The following NTNG1 variants were observed in gnomAD, a reference collection of about 807,000 sequenced individuals.
The protein encoded by NTNG1 is netrin G1.
In NTNG1, 16 loss-of-function variants were observed where a neutral mutation model predicts 54.0. The observed-to-expected ratio is 0.30, with a 90% CI of 0.20 to 0.45. The LOEUF is 0.45. Among genes scored for constraint, NTNG1 ranks in the 20% least tolerant of loss-of-function variants. The pLI is 1.00. For synonymous variants in NTNG1, 255 were observed against 263.1 expected (o/e 0.97, Z 0.30); for missense variants, 530 against 678.7 (o/e 0.78, Z 2.43).
intron 2 of NTNG1, among the ~76,000 whole-genome samples, chr1:107,209,139 G>A (rs1284658718): frequency 2.0e-5 from 3 of 151,218 alleles, no homozygotes; most frequent in African/African-American, 7.3e-5. Context: ...TCGTTTAACT[G>A]CAAATACCCC....
intron 2 of NTNG1, among the ~76,000 whole-genome samples, chr1:107,205,243 C>T (rs1659087158): frequency 6.6e-6 from 1 of 152,166 alleles, no homozygotes. Flanking sequence ...TTTATAGCTT[C>T]AGAGACTTCT....
intron 2 of NTNG1, among the ~76,000 whole-genome samples, chr1:107,312,917 A>G (rs1667112583): frequency 6.6e-6 from 1 of 152,130 alleles, no homozygotes; most frequent in Non-Finnish European, 1.5e-5. Context: ...ATTTGACTGT[A>G]AGTTGTCAAC....
At chr1:107,369,150 C>G (rs1435571626) in intron 3 of NTNG1, among the ~76,000 whole-genome samples, 22 of 151,954 alleles carry the variant, frequency 1.4e-4, no homozygotes, top group Admixed American at 1.4e-3. Context: ...ATCTATTCAC[C>G]TATTGATGGA....
At chr1:107,401,525 T>G (rs1260674221) in intron 4 of NTNG1, among the ~76,000 whole-genome samples, 1 of 152,128 alleles carries the variant, frequency 6.6e-6, no homozygotes, top group African/African-American at 2.4e-5. Context: ...ATCAAACATT[T>G]TAATGTTTCT....
Position 107,481,858 on chromosome 1 carries a change from T to C in NTNG1, c.*1018T>C, listed in dbSNP as rs916984939. ...AATAAAAACTCCTGCATAAACGATT[T>C]CAGGAATTTGTATTGCAATTTCTTA... On this transcript the variant is annotated 3_prime_UTR_variant, in exon 8 of 8. Coordinates refer to ENST00000370068, the MANE Select transcript of NTNG1 (RefSeq NM_001113226.3). 2 of 152,530 alleles carry C rather than the reference T, an allele frequency of 1.3e-5. No homozygotes were observed. Among genetic ancestry groups the C allele is most frequent in the Non-Finnish European group, 2.9e-5 (2 of 68,016 alleles). The allele number at this position is 152,530 out of a possible 1,614,324, so 9.4% of individuals were successfully genotyped here.
intron 3 of NTNG1, among the ~76,000 whole-genome samples, chr1:107,340,060 G>A (rs1339512401): frequency 1.3e-5 from 2 of 152,012 alleles, no homozygotes; most frequent in Non-Finnish European, 1.5e-5. Context: ...TCTGGATGAC[G>A]TTCTGATAGT....
At chr1:107,445,553 T>C (rs781645016) in intron 7 of NTNG1, among the ~76,000 whole-genome samples, 1 of 152,192 alleles carries the variant, frequency 6.6e-6, no homozygotes, top group Non-Finnish European at 1.5e-5. Context: ...TTAAAGAGGA[T>C]AATTCCACCA....
chr1:107,419,465 A>C (rs1189931891), intron 5 of NTNG1, among the ~76,000 whole-genome samples: 1 of 152,058 alleles, frequency 6.6e-6, no homozygotes, highest in African/African-American at 2.4e-5. Flanking sequence ...GTGATTACGC[A>C]GGAAGAAAGA....
chr1:107,197,982 T>C (rs1475794860), intron 2 of NTNG1, among the ~76,000 whole-genome samples: 1 of 152,042 alleles, frequency 6.6e-6, no homozygotes, highest in Non-Finnish European at 1.5e-5. Context: ...GCACATTTTT[T>C]TCCTATTCTT....
intron 7 of NTNG1, among the ~76,000 whole-genome samples, chr1:107,461,193 A>G (rs1192264895): frequency 1.3e-5 from 2 of 152,220 alleles, no homozygotes; most frequent in African/African-American, 4.8e-5. Context: ...TGGGAGGCAC[A>G]TGGAAAACAG....
chr1:107,443,147 G>C (rs764203279), intron 7 of NTNG1, among the ~76,000 whole-genome samples: 1 of 152,080 alleles, frequency 6.6e-6, no homozygotes, highest in Non-Finnish European at 1.5e-5. Context: ...ATGCAGCAGA[G>C]GGGAGGCATC....
chr1:107,322,019 C>T (rs535300856), intron 2 of NTNG1, among the ~76,000 whole-genome samples: 12 of 152,270 alleles, frequency 7.9e-5, no homozygotes, highest in South Asian at 6.2e-4. Flanking sequence ...GTGTCCAGCA[C>T]GCAAGTGCTA....
intron 2 of NTNG1, among the ~76,000 whole-genome samples, chr1:107,207,578 G>T (rs1278933573): frequency 6.6e-6 from 1 of 152,122 alleles, no homozygotes; most frequent in Non-Finnish European, 1.5e-5. Flanking sequence ...ACCCTTCCAT[G>T]GAGAAACTAC....
intron 3 of NTNG1, among the ~76,000 whole-genome samples, chr1:107,337,742 C>G (rs1668669529): frequency 6.6e-6 from 1 of 151,988 alleles, no homozygotes; most frequent in South Asian, 2.1e-4. Context: ...ATGAAATCTT[C>G]TAGTCTTTTC....
intron 2 of NTNG1, among the ~76,000 whole-genome samples, chr1:107,250,036 A>G (rs1662486976): frequency 6.6e-6 from 1 of 152,150 alleles, no homozygotes; most frequent in African/African-American, 2.4e-5. Context: ...CTTGTTATAT[A>G]AAAGGATCAG....
intron 4 of NTNG1, among the ~76,000 whole-genome samples, chr1:107,399,311 G>A (rs1375037678): frequency 6.6e-6 from 1 of 152,138 alleles, no homozygotes; most frequent in Non-Finnish European, 1.5e-5. Flanking sequence ...CATGGAGATA[G>A]ACAGAAAACT....
chr1:107,237,021 T>C (rs552766664), intron 2 of NTNG1, among the ~76,000 whole-genome samples: 2 of 152,176 alleles, frequency 1.3e-5, no homozygotes, highest in African/African-American at 4.8e-5. Context: ...CAGGCAGAGA[T>C]TGGAACAGTT....
rs561793781 is a variant in NTNG1, at chr1:107,316,493, C to T, written c.247-7789C>T. On this transcript the variant is annotated intron_variant, in intron 2 of 7. Transcript: ENST00000370068. ...CTTCTCTTTCCTTCTTCATACTCTC[C>T]TTTGGTGGGTTTGAGCACATACCTC... 4.4e-4 allele frequency among the ~76,000 whole-genome samples: 67 copies of T among 152,310 alleles called. No individual in the cohort carries two copies. In the Middle Eastern group the frequency reaches 0.01, roughly 23 times the overall value.
chr1:107,238,727 C>T (rs889102156), intron 2 of NTNG1, among the ~76,000 whole-genome samples: 56 of 152,038 alleles, frequency 3.7e-4, no homozygotes, highest in Admixed American at 1.3e-3. Context: ...GTGACTTGCT[C>T]CTACTTGCCT....
Sources: gnomAD v4.1 joint callset for allele counts (sites outside exome capture counted in the v4.1 genomes callset) on GRCh38, gnomAD v4.1.1 for gene constraint, MANE v1.5 for transcripts, NCBI Gene and HGNC (gene_info 2026-07-23, HGNC 2026-07-21) for gene names.